Variants in RNF220 observed in about 807,000 individuals in gnomAD.
The protein encoded by RNF220 is E3 ubiquitin-protein ligase RNF220.
In RNF220, 7 loss-of-function variants were observed where a neutral mutation model predicts 67.1. That is an observed-to-expected ratio of 0.10 (90% confidence interval 0.06 to 0.20). RNF220 has a LOEUF of 0.20. Among genes scored for constraint, RNF220 ranks in the 10% least tolerant of loss-of-function variants. The pLI is 1.00. For missense variants in RNF220, 565 were observed against 740.3 expected (o/e 0.76, Z 2.75); for synonymous variants, 270 against 283.2 (o/e 0.95, Z 0.47).
chr1:44,508,346 C>T (rs1028094528), intron 2 of RNF220, among the ~76,000 whole-genome samples: 12 of 151,972 alleles, frequency 7.9e-5, no homozygotes, highest in Admixed American at 5.2e-4. Flanking sequence ...GAGAGATGGG[C>T]GAGTCGTGTG....
chr1:44,552,920 A>G (rs1662779295), intron 2 of RNF220, among the ~76,000 whole-genome samples: 1 of 151,830 alleles, frequency 6.6e-6, no homozygotes, highest in South Asian at 2.1e-4. Flanking sequence ...GATCTCTACC[A>G]CTTTTCCAGC....
chr1:44,497,763 C>T (rs1657472235), intron 2 of RNF220, among the ~76,000 whole-genome samples: 1 of 152,212 alleles, frequency 6.6e-6, no homozygotes, highest in Admixed American at 6.5e-5. Context: ...GGTTCATTTA[C>T]TAGCCACCTT....
chr1:44,611,202 AG>A (rs1235029966), intron 2 of RNF220, among the ~76,000 whole-genome samples: 5 of 152,224 alleles, frequency 3.3e-5, no homozygotes, highest in Admixed American at 2.0e-4. Flanking sequence ...GAGGCTGCAG[AG>A]TCCCTTTGCT....
At chr1:44,617,200 C>A (rs1643590921) in intron 3 of RNF220, among the ~76,000 whole-genome samples, 1 of 152,226 alleles carries the variant, frequency 6.6e-6, no homozygotes. Context: ...AAGTGAAATT[C>A]CCGTCGGATC....
In RNF220 at chr1:44,582,279, G is replaced by A. The variant is rs764158511; in HGVS notation, c.626-31886G>A. Among the ~76,000 whole-genome samples the A allele has an allele frequency of 1.3e-5, 2 of 152,218 alleles. 1 individual carries two copies. The highest frequency in any genetic ancestry group is 4.1e-4 in the South Asian group (2 of 4,828). On this transcript the variant is annotated intron_variant, in intron 2 of 14. Transcript: ENST00000361799. ...GGCAGCCCACAAAAGCAGGGGTCCT[G>A]CTCCTGAGCGGCAATGTCCATCCAC... is the stretch of plus-strand genomic sequence containing the variant.
intron 2 of RNF220, among the ~76,000 whole-genome samples, chr1:44,443,537 C>A (rs76325740): frequency 0.075 from 11,384 of 152,240 alleles, 483 homozygotes; most frequent in East Asian, 0.19. Context: ...TACCTAACAC[C>A]CCTCATTCCT....
Position 44,614,316 on chromosome 1 carries a change from A to T in RNF220, c.758+19A>T. The T allele has an allele frequency of 1.9e-6, 3 of 1,612,270 alleles. No homozygotes were observed. Among genetic ancestry groups the T allele is most frequent in the Non-Finnish European group, 2.5e-6 (3 of 1,178,990 alleles). On this transcript the variant is annotated intron_variant, in intron 3 of 14. Transcript: ENST00000361799. Reference sequence around the variant, plus strand: ...CCTCGAGGTAAGCCACCTCCCAGGGAGCCTGCCTGCTGGAGGAGTCCACTC... The same window carrying T: ...CCTCGAGGTAAGCCACCTCCCAGGGTGCCTGCCTGCTGGAGGAGTCCACTC...
intron 8 of RNF220, among the ~76,000 whole-genome samples, chr1:44,641,861 T>G (rs530186482): frequency 5.3e-5 from 8 of 152,350 alleles, no homozygotes; most frequent in African/African-American, 1.9e-4. Flanking sequence ...CAGAGGCCTT[T>G]TCTTTGGCAA....
intron 2 of RNF220, among the ~76,000 whole-genome samples, chr1:44,464,617 T>C (rs1654100455): frequency 6.6e-6 from 1 of 152,202 alleles, no homozygotes; most frequent in African/African-American, 2.4e-5. Flanking sequence ...AATGGATATT[T>C]GATGAGCTAA....
In RNF220 at chr1:44,490,012, CT is replaced by C. The variant is rs200120257; in HGVS notation, c.625+77298del. Among the ~76,000 whole-genome samples, 1,409 of 152,158 alleles carry C rather than the reference CT, an allele frequency of 9.3e-3. 15 individuals carry two copies. The highest frequency in any genetic ancestry group is 0.025 in the African/African-American group (1,052 of 41,524). On this transcript the variant is annotated intron_variant, in intron 2 of 14. Transcript: ENST00000361799. ...AAATGTACTTTGTTAGAACTAATTA[CT>C]TTTTTTTCTATGTTCTTTTTTGTTT...
chr1:44,614,292 C>G lies in RNF220; in HGVS notation c.753C>G (p.Pro251=). The change falls in exon 3 of 15, where the codon CCC becomes CCG. Residue 251 remains proline (P), a synonymous_variant. Coordinates refer to ENST00000361799, the MANE Select transcript of RNF220 (RefSeq NM_018150.4). ...AACTGGAGCAGCTAGCCCAACTGCC[C>G]TCGAGGTAAGCCACCTCCCAGGGAG... ...EQELEQLAQL[P]SSKNSLLKDA... The G allele has an allele frequency of 6.2e-7, 1 of 1,613,772 alleles. No homozygotes were observed. The highest frequency in any genetic ancestry group is 2.2e-5 in the East Asian group (1 of 44,888).
At chr1:44,580,030 CAAAAAAAAAAAAAAAAA>C (rs61499825) in intron 2 of RNF220, among the ~76,000 whole-genome samples, 3,217 of 65,370 alleles carry the variant, frequency 0.049, 126 homozygotes, top group African/African-American at 0.14. Flanking sequence ...CCCTGTCTCA[CAAAAAAAAAAAAAAAAA>C]AAAAAAAAAA....
intron 2 of RNF220, among the ~76,000 whole-genome samples, chr1:44,537,011 G>A (rs1661281944): frequency 8.3e-6 from 1 of 120,182 alleles, no homozygotes; most frequent in South Asian, 2.9e-4. Context: ...TCAGTAATTA[G>A]TATGCAAATT....
intron 2 of RNF220, among the ~76,000 whole-genome samples, chr1:44,605,994 A>C (rs747976019): frequency 1.3e-5 from 2 of 152,134 alleles, no homozygotes; most frequent in Admixed American, 1.3e-4. Flanking sequence ...CTAAATACAT[A>C]TCTCTCCCCT....
intron 2 of RNF220, among the ~76,000 whole-genome samples, chr1:44,436,345 G>C (rs566793105): frequency 2.0e-5 from 3 of 152,132 alleles, no homozygotes; most frequent in Admixed American, 2.0e-4. Flanking sequence ...CCAGTTTTAG[G>C]GGGGGTAATA....
chr1:44,432,963 C>G (rs945358325), intron 2 of RNF220, among the ~76,000 whole-genome samples: 1 of 149,924 alleles, frequency 6.7e-6, no homozygotes. Flanking sequence ...CTCTGTTGCC[C>G]AGGCACTGTA....
chr1:44,473,799 T>C (rs1185229530), intron 2 of RNF220, among the ~76,000 whole-genome samples: 2 of 152,218 alleles, frequency 1.3e-5, no homozygotes, highest in African/African-American at 4.8e-5. Flanking sequence ...ACCGACACTC[T>C]GTATATCCTG....
chr1:44,636,479 C>T (rs1272462196), intron 8 of RNF220: 26 of 717,098 alleles, frequency 3.6e-5, no homozygotes, highest in Non-Finnish European at 4.2e-5. Context: ...ATTAAAGGGA[C>T]GGTTATGCAT....
chr1:44,586,811 T>C lies in RNF220; in HGVS notation c.626-27354T>C, dbSNP rs144617723. Among the ~76,000 whole-genome samples, 279 of 152,192 alleles carry C rather than the reference T, an allele frequency of 1.8e-3. 1 individual carries two copies. Among genetic ancestry groups the C allele is most frequent in the Non-Finnish European group, 3.1e-3 (210 of 67,994 alleles). Reference sequence around the variant, plus strand: ...GGAGAGAAGTGGCTCTAAGGGACAGTAGGCACTGGTTTTGGAGAAAAGACA... The same window carrying C: ...GGAGAGAAGTGGCTCTAAGGGACAGCAGGCACTGGTTTTGGAGAAAAGACA... On this transcript the variant is annotated intron_variant, in intron 2 of 14. Transcript: ENST00000361799.
Sources: gnomAD v4.1 joint callset for allele counts (sites outside exome capture counted in the v4.1 genomes callset) on GRCh38, gnomAD v4.1.1 for gene constraint, MANE v1.5 for transcripts, NCBI Gene and HGNC (gene_info 2026-07-23, HGNC 2026-07-21) for gene names.